The following PREP variants were observed in gnomAD, a reference collection of about 807,000 sequenced individuals.
PREP encodes dJ355L5.1 (prolyl endopeptidase).
Under a neutral mutation model 87.6 loss-of-function variants are expected in PREP, and 29 were observed. The ratio of observed to expected loss-of-function variants is 0.33; its 90% confidence interval spans 0.25 to 0.45. The LOEUF is 0.45. PREP is among the 20% of genes least tolerant of loss of function. The pLI, the probability that PREP is intolerant of heterozygous loss-of-function variation, is 1.00. For missense variants in PREP, 695 were observed against 886.5 expected (o/e 0.78, Z 2.74); for synonymous variants, 337 against 328.6 (o/e 1.03, Z -0.28).
intron 1 of PREP, among the ~76,000 whole-genome samples, chr6:105,401,699 C>T (rs1432654331): frequency 6.6e-6 from 1 of 152,152 alleles, no homozygotes; most frequent in Non-Finnish European, 1.5e-5. Context: ...ACTGAGAAAA[C>T]ATGGTTACCA....
At chr6:105,314,084 T>A (rs1185209406) in intron 10 of PREP, among the ~76,000 whole-genome samples, 2 of 152,182 alleles carry the variant, frequency 1.3e-5, no homozygotes, top group African/African-American at 4.8e-5. Flanking sequence ...ATAAAAGCTG[T>A]TTACACTAGT....
At chr6:105,312,276 T>C (rs1184224550) in intron 10 of PREP, among the ~76,000 whole-genome samples, 2 of 152,172 alleles carry the variant, frequency 1.3e-5, no homozygotes, top group Non-Finnish European at 2.9e-5. Flanking sequence ...GGCATATGTA[T>C]ACAAATGTAC....
At chr6:105,286,074 G>A (rs1460673108) in intron 11 of PREP, among the ~76,000 whole-genome samples, 1 of 152,086 alleles carries the variant, frequency 6.6e-6, no homozygotes, top group African/African-American at 2.4e-5. Context: ...CTGCACTCAG[G>A]CAAAGCTAAT....
chr6:105,285,196 T>A (rs915283578), intron 12 of PREP, among the ~76,000 whole-genome samples: 2 of 152,200 alleles, frequency 1.3e-5, no homozygotes, highest in Admixed American at 6.5e-5. Flanking sequence ...CTGACAGTGA[T>A]AATTAAAAAC....
chr6:105,382,882 T>TA (rs1277558019), intron 2 of PREP, among the ~76,000 whole-genome samples: 3 of 152,194 alleles, frequency 2.0e-5, no homozygotes, highest in Non-Finnish European at 4.4e-5. Flanking sequence ...GAGCATCTGT[T>TA]ACAAATAACA....
rs946921476 is a variant in PREP at position 105,273,388 on chromosome 6, G to A, written c.*4756C>T. The A allele has an allele frequency of 2.6e-5, 4 of 152,068 alleles. 1 individual carries two copies. The highest frequency in any genetic ancestry group is 1.3e-4 in the Admixed American group (2 of 15,264). The allele number at this position is 152,068 out of a possible 1,614,324, so 9.4% of individuals were successfully genotyped here. On this transcript the variant is annotated 3_prime_UTR_variant, in exon 15 of 15. Coordinates refer to ENST00000652536, the MANE Select transcript of PREP (RefSeq NM_002726.5). ...GTTTTAGAACATTTTTGTCATCCCG[G>A]TTAGATCCTTTATGCCCAAGTAGTT...
intron 7 of PREP, among the ~76,000 whole-genome samples, chr6:105,339,819 G>A (rs533005632): frequency 7.2e-5 from 11 of 152,270 alleles, no homozygotes; most frequent in Non-Finnish European, 1.3e-4. Flanking sequence ...GAAATGAAGC[G>A]AGAAGAAAAG....
intron 7 of PREP, 77 bp downstream of exon 7, chr6:105,352,895 T>C: frequency 7.7e-7 from 1 of 1,304,646 alleles, no homozygotes; most frequent in Non-Finnish European, 1.1e-6. Flanking sequence ...TCTTGGGAAA[T>C]CAATTAATAG....
At chr6:105,335,736 CA>C (rs1287919068) in intron 7 of PREP, among the ~76,000 whole-genome samples, 2 of 151,656 alleles carry the variant, frequency 1.3e-5, no homozygotes, top group East Asian at 3.9e-4. Context: ...CTAAAAAATA[CA>C]AAAAAATTAG....
At chr6:105,307,161 C>T (rs1474310269) in intron 10 of PREP, among the ~76,000 whole-genome samples, 1 of 152,226 alleles carries the variant, frequency 6.6e-6, no homozygotes, top group East Asian at 1.9e-4. Context: ...TGGATGCTTA[C>T]AGCTTCATCC....
At chr6:105,315,149 T>C (rs1365052499) in intron 10 of PREP, among the ~76,000 whole-genome samples, 3 of 152,116 alleles carry the variant, frequency 2.0e-5, no homozygotes, top group Non-Finnish European at 4.4e-5. Context: ...TTAGCACAAT[T>C]CTTTTTTTGT....
At chr6:105,303,783 C>T (rs2114628846) in intron 10 of PREP, among the ~76,000 whole-genome samples, 1 of 152,308 alleles carries the variant, frequency 6.6e-6, no homozygotes, top group Admixed American at 6.5e-5. Flanking sequence ...GTTCTGCAGA[C>T]AGAACCTAGT....
chr6:105,309,086 G>A (rs1029207844), intron 10 of PREP, among the ~76,000 whole-genome samples: 12 of 152,108 alleles, frequency 7.9e-5, no homozygotes, highest in South Asian at 2.1e-4. Flanking sequence ...TGCAGCAGGC[G>A]GGTGAGGGAG....
chr6:105,295,701 A>G (rs1357388626), intron 10 of PREP, among the ~76,000 whole-genome samples: 1 of 152,194 alleles, frequency 6.6e-6, no homozygotes, highest in Non-Finnish European at 1.5e-5. Flanking sequence ...ATGTTCAAAT[A>G]CACATAGGAG....
At chr6:105,287,643 G>A (rs1770215164) in intron 11 of PREP, among the ~76,000 whole-genome samples, 1 of 152,172 alleles carries the variant, frequency 6.6e-6, no homozygotes, top group African/African-American at 2.4e-5. Context: ...CAGGACAGAT[G>A]GTTGAATCTA....
At chr6:105,355,092 G>GT (rs1213054816) in intron 6 of PREP, among the ~76,000 whole-genome samples, 38,877 of 135,568 alleles carry the variant, frequency 0.29, 8,597 homozygotes, top group African/African-American at 0.63. Flanking sequence ...TCGGGTTGTA[G>GT]TTTTTTTTTT....
At position 105,397,618 on chromosome 6, in the gene PREP, T is replaced by C. The variant is rs72939774; in HGVS notation, c.120+235A>G. Reference sequence around the variant, plus strand: ...ATTTAAAATAGCTCATCAGTGTCACTATGAACCATAAACATTATCTGAAAC... The same window carrying C: ...ATTTAAAATAGCTCATCAGTGTCACCATGAACCATAAACATTATCTGAAAC... On this transcript the variant is annotated intron_variant, in intron 2 of 14. Coordinates refer to ENST00000652536, the MANE Select transcript of PREP (RefSeq NM_002726.5). Among the ~76,000 whole-genome samples, 2,723 of 148,038 alleles carry C rather than the reference T, an allele frequency of 0.018. 27 individuals carry two copies. The highest frequency in any genetic ancestry group is 0.052 in the South Asian group (252 of 4,814).
At chr6:105,341,163 A>G (rs1331622326) in intron 7 of PREP, among the ~76,000 whole-genome samples, 1 of 152,262 alleles carries the variant, frequency 6.6e-6, no homozygotes, top group African/African-American at 2.4e-5. Context: ...CAAATGTAAA[A>G]GAACAGAAAT....
At chr6:105,319,911 A>G (rs1403689798) in intron 10 of PREP, among the ~76,000 whole-genome samples, 1 of 152,166 alleles carries the variant, frequency 6.6e-6, no homozygotes, top group Non-Finnish European at 1.5e-5. Context: ...GGCAGTGCTT[A>G]TGTCTGGAAT....
Sources: allele counts gnomAD v4.1 joint callset (sites outside exome capture counted in the v4.1 genomes callset), GRCh38; gene constraint gnomAD v4.1.1; transcripts MANE v1.5; gene names NCBI Gene and HGNC (gene_info 2026-07-23, HGNC 2026-07-21).